LCORL: variants seen among roughly 807,000 people sequenced by gnomAD.
LCORL encodes the protein ligand dependent nuclear receptor corepressor like.
Under a neutral mutation model 141.8 loss-of-function variants are expected in LCORL, and 41 were observed. The observed-to-expected ratio is 0.29, with a 90% CI of 0.23 to 0.38. The LOEUF (loss-of-function observed/expected upper bound fraction) is 0.38, where lower values mean the gene tolerates loss of function less well. LCORL is among the 10% of genes least tolerant of loss of function. LCORL has a pLI of 1.00. For synonymous variants in LCORL, 618 were observed against 694.1 expected (o/e 0.89, Z 1.72); for missense variants, 1,759 against 2,035.0 (o/e 0.86, Z 2.61).
chr4:17,987,826 T>C (rs1056709460), intron 1 of LCORL, among the ~76,000 whole-genome samples: 1 of 152,238 alleles, frequency 6.6e-6, no homozygotes, highest in Non-Finnish European at 1.5e-5. Context: ...CATTTTTCAA[T>C]TGAGTTATTT....
At chr4:17,926,007 T>C (rs539813151) in intron 4 of LCORL, among the ~76,000 whole-genome samples, 2 of 152,290 alleles carry the variant, frequency 1.3e-5, no homozygotes, top group South Asian at 2.1e-4. Flanking sequence ...AATATCGGCA[T>C]TGAAGTGCTG....
intron 5 of LCORL, among the ~76,000 whole-genome samples, chr4:17,896,855 T>C (rs1281886485): frequency 6.6e-6 from 1 of 151,964 alleles, no homozygotes; most frequent in Non-Finnish European, 1.5e-5. Context: ...CTATCCCCAC[T>C]TCCTCCTTAC....
chr4:17,924,204 G>A (rs547861012), intron 4 of LCORL, among the ~76,000 whole-genome samples: 3 of 152,288 alleles, frequency 2.0e-5, no homozygotes, highest in Non-Finnish European at 4.4e-5. Flanking sequence ...TCATCTGAGT[G>A]CTCACCAATG....
exon 8 of LCORL, chr4:17,844,106 C>T (rs891415332): frequency 6.6e-6 from 1 of 151,796 alleles, no homozygotes; most frequent in African/African-American, 2.4e-5. Context: ...TGAAGCTGCT[C>T]GCTATATTTT....
chr4:17,970,422 T>C (rs1715701925), intron 2 of LCORL, among the ~76,000 whole-genome samples: 1 of 152,332 alleles, frequency 6.6e-6, no homozygotes, highest in South Asian at 2.1e-4. Flanking sequence ...CTAGAGCCTT[T>C]GGAAGAGAAG....
intron 5 of LCORL, among the ~76,000 whole-genome samples, chr4:17,892,015 G>C (rs1729152016): frequency 6.6e-6 from 1 of 151,952 alleles, no homozygotes; most frequent in Non-Finnish European, 1.5e-5. Flanking sequence ...CATTCCCTGG[G>C]TTTATCCAAA....
intron 5 of LCORL, among the ~76,000 whole-genome samples, chr4:17,894,860 G>T (rs1289208091): frequency 6.6e-6 from 1 of 151,988 alleles, no homozygotes; most frequent in African/African-American, 2.4e-5. Context: ...AACATTTTTG[G>T]TAAGAATACT....
chr4:17,882,197 G>A (rs1727664848), intron 6 of LCORL: 1 of 984,292 alleles, frequency 1.0e-6, no homozygotes, highest in Admixed American at 6.2e-5. Context: ...AAACACAAGT[G>A]TAAAAACACA....
intron 5 of LCORL, among the ~76,000 whole-genome samples, chr4:17,895,009 T>TTA (rs1020421979): frequency 8.6e-4 from 129 of 149,456 alleles, no homozygotes; most frequent in South Asian, 1.7e-3. Flanking sequence ...ATATTTATCT[T>TTA]TATATATATA....
At position 18,021,486 on chromosome 4, in the gene LCORL, C is replaced by A. The variant is rs1307268266; in HGVS notation, c.154+112G>T. 2 of 921,744 alleles carry A rather than the reference C, an allele frequency of 2.2e-6. No homozygotes were observed. Among genetic ancestry groups the A allele is most frequent in the Non-Finnish European group, 1.5e-6 (1 of 652,548 alleles). The allele number at this position is 921,744 out of a possible 1,614,324, so 57.1% of individuals were successfully genotyped here. A position where few individuals can be genotyped will look rare whatever the true frequency, so the allele number is the denominator to read the frequency against. ...CCGCGCCGCTCCCATCTCGCTCCCC[C>A]ACCGAACTAACCCGAACGGGAGATT... On this transcript the variant is annotated intron_variant, in intron 1 of 7. Transcript: ENST00000635767. The surrounding 1 kb of genome is among the most constrained non-coding windows in gnomAD (Gnocchi z 5.5).
chr4:17,874,215 G>A, exon 7 of LCORL: 1 of 1,233,720 alleles, frequency 8.1e-7, no homozygotes, highest in Non-Finnish European at 1.0e-6. Context: ...TTTTAATCTA[G>A]CTATTGCTAA....
chr4:17,909,564 C>T (rs1732172284), intron 4 of LCORL, among the ~76,000 whole-genome samples: 1 of 152,014 alleles, frequency 6.6e-6, no homozygotes, highest in South Asian at 2.1e-4. Flanking sequence ...TTACTTCTTA[C>T]AATTAAACAT....
intron 7 of LCORL, among the ~76,000 whole-genome samples, chr4:17,863,097 C>T (rs530144375): frequency 6.6e-6 from 1 of 152,306 alleles, no homozygotes; most frequent in South Asian, 2.1e-4. Context: ...GGGTGGATCA[C>T]CTGAGGTCAG....
chr4:17,959,653 T>C (rs1713389244), intron 4 of LCORL, among the ~76,000 whole-genome samples: 1 of 151,958 alleles, frequency 6.6e-6, no homozygotes, highest in Non-Finnish European at 1.5e-5. Context: ...GACAATAAAT[T>C]AGTTACCATA....
intron 1 of LCORL, among the ~76,000 whole-genome samples, chr4:18,007,755 G>A (rs944902063): frequency 3.9e-5 from 6 of 152,196 alleles, no homozygotes; most frequent in Non-Finnish European, 1.5e-5. Context: ...TGAGGAATGA[G>A]TAGGTCAGCA....
intron 1 of LCORL, among the ~76,000 whole-genome samples, chr4:17,996,426 T>C (rs1201266679): frequency 6.6e-6 from 1 of 152,052 alleles, no homozygotes; most frequent in Non-Finnish European, 1.5e-5. Flanking sequence ...AAAACTCTTA[T>C]AAAAGATACC....
chr4:17,878,370 A>T (rs2109191366), intron 6 of LCORL, 157 bp from the exon 7 acceptor site: 1 of 184,558 alleles, frequency 5.4e-6, no homozygotes, highest in East Asian at 1.9e-4. Flanking sequence ...GTTTAGCAAA[A>T]ATATAATGAA....
intron 7 of LCORL, among the ~76,000 whole-genome samples, chr4:17,854,708 T>G (rs1380124048): frequency 3.9e-5 from 6 of 152,160 alleles, no homozygotes; most frequent in Non-Finnish European, 8.8e-5. Flanking sequence ...AACAAAAAAC[T>G]TAGTTTTTCT....
intron 5 of LCORL, among the ~76,000 whole-genome samples, chr4:17,899,729 T>C (rs17518793): frequency 0.12 from 18,468 of 152,074 alleles, 1,504 homozygotes; most frequent in Non-Finnish European, 0.18. Flanking sequence ...TTGGAGAAAT[T>C]ACAAGGGAAA....
Sources: allele counts gnomAD v4.1 joint callset (sites outside exome capture counted in the v4.1 genomes callset), GRCh38; gene constraint gnomAD v4.1.1; non-coding constraint Gnocchi (gnomAD v3.1); transcripts MANE v1.5; gene names NCBI Gene and HGNC (gene_info 2026-07-23, HGNC 2026-07-21).